Variants in CPNE4 observed in about 807,000 individuals in gnomAD.
The protein encoded by CPNE4 is copine-4.
A neutral mutation model predicts 67.9 loss-of-function variants in CPNE4; 25 were observed. The ratio of observed to expected loss-of-function variants is 0.37; its 90% CI spans 0.27 to 0.51. CPNE4 has a LOEUF of 0.51. Ranked by LOEUF, CPNE4 falls within the 20% of genes least tolerant of loss-of-function variation. The pLI, the probability that CPNE4 is intolerant of heterozygous loss-of-function variation, is 0.93. For synonymous variants in CPNE4, 242 were observed against 244.9 expected, an observed-to-expected ratio of 0.99 and a Z score of 0.11; for missense variants, 464 against 690.8, an observed-to-expected ratio of 0.67 and a Z score of 3.68.
At chr3:131,706,812 A>G (rs964111506) in intron 3 of CPNE4, among the ~76,000 whole-genome samples, 11 of 152,224 alleles carry the variant, frequency 7.2e-5, no homozygotes, top group Non-Finnish European at 1.6e-4. Flanking sequence ...ATTGATTCCA[A>G]GTCTTTAGAC....
At chr3:131,934,353 A>G (rs2071157112) in intron 1 of CPNE4, among the ~76,000 whole-genome samples, 1 of 152,206 alleles carries the variant, frequency 6.6e-6, no homozygotes, top group Non-Finnish European at 1.5e-5. Flanking sequence ...GCAAGTGTAC[A>G]AAAATATTTT....
intron 2 of CPNE4, among the ~76,000 whole-genome samples, chr3:131,897,751 G>C (rs952624107): frequency 6.6e-6 from 1 of 151,980 alleles, no homozygotes; most frequent in Non-Finnish European, 1.5e-5. Context: ...AATTAGCCAG[G>C]TGTGGTGGCA....
intron 2 of CPNE4, among the ~76,000 whole-genome samples, chr3:131,894,757 T>C (rs1489295473): frequency 6.6e-6 from 1 of 151,990 alleles, no homozygotes; most frequent in Non-Finnish European, 1.5e-5. Flanking sequence ...TTACACGCTA[T>C]TGGAGGGACT....
chr3:131,861,620 A>AG (rs2086690750), intron 2 of CPNE4, among the ~76,000 whole-genome samples: 8 of 151,904 alleles, frequency 5.3e-5, no homozygotes, highest in Admixed American at 2.0e-4. Flanking sequence ...TTTAGTAGAG[A>AG]TGGGGTTTCA....
intron 1 of CPNE4, among the ~76,000 whole-genome samples, chr3:131,972,268 A>AT (rs2072523481): frequency 6.6e-6 from 1 of 152,224 alleles, no homozygotes; most frequent in Non-Finnish European, 1.5e-5. Flanking sequence ...CACTGGCAGC[A>AT]ACAAGTACAT....
chr3:131,868,253 C>G (rs1252060044), intron 2 of CPNE4, among the ~76,000 whole-genome samples: 1 of 152,198 alleles, frequency 6.6e-6, no homozygotes, highest in Non-Finnish European at 1.5e-5. Flanking sequence ...CAGCCCCCTA[C>G]CACAGTTAGG....
chr3:131,849,131 C>G (rs1172161865), intron 2 of CPNE4, among the ~76,000 whole-genome samples: 2 of 152,006 alleles, frequency 1.3e-5, no homozygotes, highest in Non-Finnish European at 2.9e-5. Context: ...CTGAATTATA[C>G]CCTTTGCTAA....
intron 2 of CPNE4, among the ~76,000 whole-genome samples, chr3:131,735,592 C>T (rs2082215966): frequency 6.6e-6 from 1 of 152,194 alleles, no homozygotes; most frequent in Admixed American, 6.5e-5. Flanking sequence ...CTTTCTCTGT[C>T]ATGAAATACA....
At chr3:131,601,127 T>C (rs771423542) in intron 7 of CPNE4, among the ~76,000 whole-genome samples, 3 of 152,146 alleles carry the variant, frequency 2.0e-5, no homozygotes, top group Non-Finnish European at 4.4e-5. Flanking sequence ...AGAATTCAAT[T>C]CAAATCTCCT....
At chr3:131,912,427 A>T (rs2089012758) in intron 1 of CPNE4, among the ~76,000 whole-genome samples, 1 of 151,912 alleles carries the variant, frequency 6.6e-6, no homozygotes, top group Non-Finnish European at 1.5e-5. Context: ...CCTTGGCATT[A>T]TTCAGCCTTT....
intron 2 of CPNE4, among the ~76,000 whole-genome samples, chr3:131,868,093 A>G (rs972280695): frequency 1.3e-5 from 2 of 152,212 alleles, no homozygotes; most frequent in Non-Finnish European, 2.9e-5. Flanking sequence ...GTTTATTTGT[A>G]TAAATCTTCT....
chr3:131,946,622 T>A (rs1560651904), intron 1 of CPNE4, among the ~76,000 whole-genome samples: 1 of 152,270 alleles, frequency 6.6e-6, no homozygotes, highest in East Asian at 1.9e-4. Flanking sequence ...GTTGTGAGAG[T>A]TCTTTATATA....
chr3:131,535,111 TA>T lies in CPNE4; in HGVS notation c.*83del. ...AAATGTGTATATGTTGTTGGTTTTTTAAAGTACAGGAGTAGTAGAAGTATTA... is the reference window on the plus strand; with the variant it reads ...AAATGTGTATATGTTGTTGGTTTTTTAAGTACAGGAGTAGTAGAAGTATTA... On this transcript the variant is annotated 3_prime_UTR_variant, in exon 16 of 16. Transcript: ENST00000429747. The T allele has an allele frequency of 7.2e-7, 1 of 1,383,682 alleles. No individual in the cohort carries two copies. Among genetic ancestry groups the T allele is most frequent in the Non-Finnish European group, 9.7e-7 (1 of 1,030,536 alleles). 85.7% of individuals were successfully genotyped at this position (1,383,682 alleles called of 1,614,324 possible).
intron 15 of CPNE4, among the ~76,000 whole-genome samples, chr3:131,538,462 A>G (rs1281275666): frequency 6.6e-6 from 1 of 152,218 alleles, no homozygotes; most frequent in Non-Finnish European, 1.5e-5. Context: ...AATATGAATG[A>G]AGCTGGTAAT....
chr3:131,870,853 G>T (rs1236423921), intron 2 of CPNE4, among the ~76,000 whole-genome samples: 1 of 152,192 alleles, frequency 6.6e-6, no homozygotes, highest in Admixed American at 6.5e-5. Flanking sequence ...TCTGGTGGGG[G>T]AGTGGATAGT....
In CPNE4 at chr3:131,999,241, T is replaced by TAAAAAAAAAAAAAAAAAAAAAAAA. The variant is rs79127364; in HGVS notation, c.-2+35325_-2+35326insTTTTTTTTTTTTTTTTTTTTTTTT. Among the ~76,000 whole-genome samples the TAAAAAAAAAAAAAAAAAAAAAAAA allele has an allele frequency of 2.5e-4, 25 of 98,814 alleles. 4 individuals are homozygous for TAAAAAAAAAAAAAAAAAAAAAAAA. Among genetic ancestry groups the TAAAAAAAAAAAAAAAAAAAAAAAA allele is most frequent in the African/African-American group, 6.4e-4 (12 of 18,688 alleles). The allele number at this position is 98,814 out of a possible 152,430, so 64.8% of individuals were successfully genotyped here. ...CTCAATTATAGGTATTTATCCAAGG[T>TAAAAAAAAAAAAAAAAAAAAAAAA]AAAAAAAAAAAAAAAAAAAAAAAGA... On this transcript the variant is annotated intron_variant, in intron 1 of 15. Coordinates refer to ENST00000429747, the MANE Select transcript of CPNE4 (RefSeq NM_130808.3).
In CPNE4 at chr3:131,690,646, G is replaced by A. The variant is rs752086873; in HGVS notation, c.508-4688C>T. Among the ~76,000 whole-genome samples the A allele has an allele frequency of 7.7e-4, 117 of 151,712 alleles. 1 individual carries two copies. Among genetic ancestry groups the A allele is most frequent in the South Asian group, 1.5e-3 (7 of 4,814 alleles). On this transcript the variant is annotated intron_variant, in intron 5 of 15. Transcript: ENST00000429747. ...TTGGCCTTGGCAAAGAATTTATGTCGAAGTCCTCAAAAGCAACAAAAACAA... is the reference window on the plus strand; with the variant it reads ...TTGGCCTTGGCAAAGAATTTATGTCAAAGTCCTCAAAAGCAACAAAAACAA...
chr3:131,792,554 G>T (rs1205226017), intron 2 of CPNE4, among the ~76,000 whole-genome samples: 3 of 145,436 alleles, frequency 2.1e-5, no homozygotes, highest in African/African-American at 7.6e-5. Context: ...ATGTGTACCT[G>T]CCGACCAGAT....
chr3:131,913,166 G>T (rs1309713059), intron 1 of CPNE4, among the ~76,000 whole-genome samples: 1 of 152,138 alleles, frequency 6.6e-6, no homozygotes, highest in East Asian at 1.9e-4. Context: ...ACCATCAGGT[G>T]ATGGTCAGGC....
Sources: allele counts gnomAD v4.1 joint callset (sites outside exome capture counted in the v4.1 genomes callset), GRCh38; gene constraint gnomAD v4.1.1; transcripts MANE v1.5; gene names NCBI Gene and HGNC (gene_info 2026-07-23, HGNC 2026-07-21).